NEGR1: variants seen among roughly 807,000 people sequenced by gnomAD.
NEGR1 encodes the protein IgLON family member 4.
In NEGR1, 10 loss-of-function variants were observed where a neutral mutation model predicts 40.9. That is an observed-to-expected ratio of 0.24 (90% CI 0.15 to 0.42). The LOEUF is 0.42. Among genes scored for constraint, NEGR1 ranks in the 10% least tolerant of loss-of-function variants. The pLI is 1.00. For missense variants in NEGR1, 352 were observed against 438.9 expected, an observed-to-expected ratio of 0.80 and a Z score of 1.77; for synonymous variants, 185 against 166.8, an observed-to-expected ratio of 1.11 and a Z score of -0.84.
intron 6 of NEGR1, among the ~76,000 whole-genome samples, chr1:71,459,384 T>A (rs188834715): frequency 9.8e-5 from 15 of 152,342 alleles, no homozygotes; most frequent in Admixed American, 9.8e-4. Context: ...TCCACTAATA[T>A]GAGGCTTCCT....
intron 1 of NEGR1, among the ~76,000 whole-genome samples, chr1:72,088,853 C>T (rs1648340389): frequency 8.0e-6 from 1 of 124,814 alleles, no homozygotes; most frequent in African/African-American, 3.0e-5. Flanking sequence ...CTCTGTCATC[C>T]AAACTGGAGT....
chr1:71,824,107 G>C (rs780598217), intron 2 of NEGR1, among the ~76,000 whole-genome samples: 1 of 151,876 alleles, frequency 6.6e-6, no homozygotes, highest in Non-Finnish European at 1.5e-5. Context: ...CATCTATCCT[G>C]TTTGTTTCCA....
intron 3 of NEGR1, among the ~76,000 whole-genome samples, chr1:71,746,486 G>A (rs933756105): frequency 6.6e-6 from 1 of 151,988 alleles, no homozygotes; most frequent in African/African-American, 2.4e-5. Flanking sequence ...TCACATTTTT[G>A]AGTGAAATAA....
intron 4 of NEGR1, among the ~76,000 whole-genome samples, chr1:71,632,268 A>G (rs2101565448): frequency 6.6e-6 from 1 of 151,440 alleles, no homozygotes; most frequent in Non-Finnish European, 1.5e-5. Flanking sequence ...TTATACATTT[A>G]TATATGTATA....
intron 1 of NEGR1, among the ~76,000 whole-genome samples, chr1:72,174,211 A>C (rs1037166200): frequency 1.3e-5 from 2 of 152,148 alleles, no homozygotes; most frequent in African/African-American, 2.4e-5. Context: ...TTCACAGCCA[A>C]ACTGAGTGGA....
At chr1:71,861,854 G>T (rs929463089) in intron 2 of NEGR1, among the ~76,000 whole-genome samples, 1 of 151,996 alleles carries the variant, frequency 6.6e-6, no homozygotes, top group Non-Finnish European at 1.5e-5. Context: ...GAATGAAACA[G>T]ATTTCACTGT....
chr1:72,274,196 C>T (rs1217550416), intron 1 of NEGR1, among the ~76,000 whole-genome samples: 1 of 151,972 alleles, frequency 6.6e-6, no homozygotes, highest in Admixed American at 6.6e-5. Flanking sequence ...CCTTTTCTCT[C>T]ATCAACTTTA....
At chr1:72,213,133 G>A (rs1201479285) in intron 1 of NEGR1, among the ~76,000 whole-genome samples, 1 of 151,934 alleles carries the variant, frequency 6.6e-6, no homozygotes, top group Non-Finnish European at 1.5e-5. Flanking sequence ...AGATTACTCT[G>A]CTGAAGAACT....
At chr1:72,142,227 T>C (rs1012327007) in intron 1 of NEGR1, among the ~76,000 whole-genome samples, 2 of 151,928 alleles carry the variant, frequency 1.3e-5, no homozygotes, top group Non-Finnish European at 2.9e-5. Context: ...AAGGAGGTTC[T>C]ACTATGTCAG....
chr1:71,671,981 G>C (rs1652452801), intron 4 of NEGR1, among the ~76,000 whole-genome samples: 1 of 144,742 alleles, frequency 6.9e-6, no homozygotes, highest in African/African-American at 2.6e-5. Context: ...TGATCCTCCT[G>C]CCTCAGCCTC....
chr1:72,070,227 G>A (rs529903739), intron 1 of NEGR1, among the ~76,000 whole-genome samples: 33 of 152,104 alleles, frequency 2.2e-4, no homozygotes, highest in Non-Finnish European at 4.3e-4. Context: ...TAGATTGGCT[G>A]CATTAATTAA....
chr1:71,763,531 C>CT lies in NEGR1; in HGVS notation c.535+12640dup, dbSNP rs545553107. On this transcript the variant is annotated intron_variant, in intron 3 of 6. Coordinates refer to ENST00000357731, the MANE Select transcript of NEGR1 (RefSeq NM_173808.3). Reference sequence around the variant, plus strand: ...ATTTGGGTTAATTTATGTAAACACTCTGAGTATCATGTTCATCTGTACAAT... The same window carrying CT: ...ATTTGGGTTAATTTATGTAAACACTCTTGAGTATCATGTTCATCTGTACAAT... 2.0e-3 allele frequency among the ~76,000 whole-genome samples: 304 copies of CT among 152,238 alleles called. 1 individual carries two copies. Among genetic ancestry groups the CT allele is most frequent in the African/African-American group, 7.1e-3 (294 of 41,534 alleles).
chr1:71,682,149 A>G (rs1652860798), intron 4 of NEGR1, among the ~76,000 whole-genome samples: 1 of 152,058 alleles, frequency 6.6e-6, no homozygotes, highest in South Asian at 2.1e-4. Flanking sequence ...ATTTTGTAAT[A>G]TCCATCTTCC....
intron 1 of NEGR1, among the ~76,000 whole-genome samples, chr1:72,028,937 A>G (rs1193070700): frequency 6.6e-6 from 1 of 152,230 alleles, no homozygotes; most frequent in Non-Finnish European, 1.5e-5. Context: ...TGAATGAACG[A>G]CACAAAATAC....
intron 1 of NEGR1, among the ~76,000 whole-genome samples, chr1:72,271,135 T>C (rs907093339): frequency 1.3e-5 from 2 of 151,784 alleles, no homozygotes; most frequent in African/African-American, 4.8e-5. Context: ...GCATGAACAA[T>C]TTCAATAAAA....
chr1:71,475,249 A>T (rs1316743576), intron 6 of NEGR1, among the ~76,000 whole-genome samples: 1 of 152,098 alleles, frequency 6.6e-6, no homozygotes, highest in Admixed American at 6.6e-5. Flanking sequence ...TATGCTTTTT[A>T]AAAAATGAAA....
At chr1:72,157,778 A>G (rs1403663621) in intron 1 of NEGR1, among the ~76,000 whole-genome samples, 1 of 152,156 alleles carries the variant, frequency 6.6e-6, no homozygotes, top group Admixed American at 6.6e-5. Flanking sequence ...CATTAAACTG[A>G]CATACAGGTT....
chr1:71,528,893 T>A (rs1016775046), intron 6 of NEGR1, among the ~76,000 whole-genome samples: 1 of 151,236 alleles, frequency 6.6e-6, no homozygotes, highest in Non-Finnish European at 1.5e-5. Context: ...TACAATGTGC[T>A]TAATGATAGC....
At chr1:71,705,717 A>AAAAAGAAAAGAAAG (rs369391860) in intron 3 of NEGR1, among the ~76,000 whole-genome samples, 2 of 152,136 alleles carry the variant, frequency 1.3e-5, no homozygotes, top group South Asian at 2.1e-4. Context: ...GAGACTCAGT[A>AAAAAGAAAAGAAAG]AAAAGAAAAG....
Sources: allele counts gnomAD v4.1 joint callset (sites outside exome capture counted in the v4.1 genomes callset), GRCh38; gene constraint gnomAD v4.1.1; transcripts MANE v1.5; gene names NCBI Gene and HGNC (gene_info 2026-07-23, HGNC 2026-07-21).